The following FHIT variants were observed in gnomAD, a reference collection of about 807,000 sequenced individuals.
The protein encoded by FHIT is bis(5'-adenosyl)-triphosphatase.
FHIT carries 19 observed loss-of-function variants against 17.9 expected under a neutral mutation model. That is an observed-to-expected ratio of 1.06 (90% confidence interval 0.74 to 1.56). The LOEUF (loss-of-function observed/expected upper bound fraction) is 1.56, where lower values mean the gene tolerates loss of function less well. FHIT is among the 40% of genes most tolerant of loss of function. The probability of loss-of-function intolerance (pLI) is 0.00; values close to 1 mark genes in which losing one functional copy is unlikely to be tolerated. For missense variants in FHIT, 248 were observed against 189.2 expected, an observed-to-expected ratio of 1.31 and a Z score of -1.82; for synonymous variants, 81 against 69.7, an observed-to-expected ratio of 1.16 and a Z score of -0.81.
At position 60,458,247 on chromosome 3, in the gene FHIT, G is replaced by A. The variant is rs536263700; in HGVS notation, c.103+78613C>T. Among the ~76,000 whole-genome samples the A allele has an allele frequency of 5.3e-5, 8 of 152,220 alleles. No individual in the cohort carries two copies. In the East Asian group the frequency reaches 1.5e-3, roughly 29 times the overall value. ...GCACATATACACCATGGAATACTAT[G>A]CAGCCATAAAAATGATGAGTTCATG... On this transcript the variant is annotated intron_variant, in intron 5 of 9. Coordinates refer to ENST00000492590, the MANE Select transcript of FHIT (RefSeq NM_002012.4).
chr3:60,515,067 A>G (rs2035099655), intron 5 of FHIT, among the ~76,000 whole-genome samples: 1 of 152,178 alleles, frequency 6.6e-6, no homozygotes, highest in South Asian at 2.1e-4. Context: ...CAGACAAAAC[A>G]GTGGGCACCG....
chr3:61,064,371 A>T (rs1198665528), intron 2 of FHIT, among the ~76,000 whole-genome samples: 2 of 152,154 alleles, frequency 1.3e-5, no homozygotes, highest in Non-Finnish European at 2.9e-5. Context: ...CTAAGGATTA[A>T]GGCCAATACA....
intron 8 of FHIT, among the ~76,000 whole-genome samples, chr3:59,852,697 A>C (rs956277632): frequency 6.6e-6 from 1 of 151,966 alleles, no homozygotes; most frequent in South Asian, 2.1e-4. Context: ...CTCCCTCCTA[A>C]TCCTTGGCAA....
intron 8 of FHIT, among the ~76,000 whole-genome samples, chr3:59,799,707 G>A (rs1278685341): frequency 1.3e-5 from 2 of 152,130 alleles, no homozygotes; most frequent in African/African-American, 2.4e-5. Flanking sequence ...GATATTATTG[G>A]GCATTAACTT....
intron 5 of FHIT, among the ~76,000 whole-genome samples, chr3:60,191,685 A>T: frequency 6.6e-6 from 1 of 152,230 alleles, no homozygotes; most frequent in East Asian, 1.9e-4. Flanking sequence ...GACATTGAAA[A>T]GAATGTGAAC....
At chr3:59,830,832 CCTGT>C (rs1196399480) in intron 8 of FHIT, among the ~76,000 whole-genome samples, 6 of 152,172 alleles carry the variant, frequency 3.9e-5, no homozygotes, top group African/African-American at 1.4e-4. Flanking sequence ...CAGCAGCCAA[CCTGT>C]CTAATTGGGT....
At chr3:60,069,976 T>C (rs990934047) in intron 5 of FHIT, among the ~76,000 whole-genome samples, 16 of 152,312 alleles carry the variant, frequency 1.1e-4, no homozygotes, top group Admixed American at 6.5e-4. Flanking sequence ...GGTCCTTCAG[T>C]TTGCAACTTA....
intron 8 of FHIT, among the ~76,000 whole-genome samples, chr3:59,874,548 C>A (rs761719338): frequency 2.8e-4 from 43 of 152,198 alleles, no homozygotes; most frequent in Admixed American, 1.0e-3. Flanking sequence ...AGAAGATGCC[C>A]GCTGCTCCCT....
At chr3:59,762,954 G>C (rs777596661) in intron 8 of FHIT, among the ~76,000 whole-genome samples, 6 of 152,208 alleles carry the variant, frequency 3.9e-5, no homozygotes, top group Non-Finnish European at 8.8e-5. Context: ...TTCTGAAAAG[G>C]AGGTTTGTGA....
At chr3:60,398,967 G>T (rs1363320977) in intron 5 of FHIT, among the ~76,000 whole-genome samples, 2 of 152,110 alleles carry the variant, frequency 1.3e-5, no homozygotes, top group East Asian at 3.9e-4. Flanking sequence ...ACATAAGAAT[G>T]AAATTTTATT....
rs979151343 is a variant in FHIT, at chr3:60,710,892, T to C, written c.-18+111027A>G. On this transcript the variant is annotated intron_variant, in intron 4 of 9. Coordinates refer to ENST00000492590, the MANE Select transcript of FHIT (RefSeq NM_002012.4). ...GCAGTAACCTCTGCAGACTTAAATG[T>C]CCCTGACTGACAGCTTTGAGGAGAG... 3.3e-4 allele frequency among the ~76,000 whole-genome samples: 50 copies of C among 152,134 alleles called. 1 individual carries two copies. The highest frequency in any genetic ancestry group is 6.5e-4 in the Non-Finnish European group (44 of 68,024).
At chr3:61,079,921 C>T (rs1235811581) in intron 2 of FHIT, among the ~76,000 whole-genome samples, 3 of 151,966 alleles carry the variant, frequency 2.0e-5, no homozygotes, top group Admixed American at 2.0e-4. Flanking sequence ...TTATTTCTTT[C>T]CCCAAAATTA....
intron 5 of FHIT, among the ~76,000 whole-genome samples, chr3:60,093,626 G>C (rs533411575): frequency 6.6e-5 from 10 of 152,284 alleles, no homozygotes; most frequent in Admixed American, 2.0e-4. Flanking sequence ...TGGCGGGTGA[G>C]CAAGCATTAC....
intron 5 of FHIT, among the ~76,000 whole-genome samples, chr3:60,122,861 G>A (rs1488474623): frequency 6.6e-6 from 1 of 152,286 alleles, no homozygotes; most frequent in Admixed American, 6.5e-5. Context: ...AACTTTTACT[G>A]CACAAGTAGC....
At chr3:60,580,401 A>T (rs1427322764) in intron 4 of FHIT, among the ~76,000 whole-genome samples, 1 of 152,168 alleles carries the variant, frequency 6.6e-6, no homozygotes, top group Non-Finnish European at 1.5e-5. Context: ...CTGATTTTTT[A>T]AAATCACAAT....
intron 5 of FHIT, among the ~76,000 whole-genome samples, chr3:60,480,299 G>T (rs1178908108): frequency 6.6e-6 from 1 of 152,124 alleles, no homozygotes; most frequent in Non-Finnish European, 1.5e-5. Flanking sequence ...AACATCTGGG[G>T]ATTACAATTC....
At chr3:60,724,660 G>GTTTTTTTT (rs543830464) in intron 4 of FHIT, among the ~76,000 whole-genome samples, 1 of 85,540 alleles carries the variant, frequency 1.2e-5, no homozygotes, top group Non-Finnish European at 2.3e-5. Flanking sequence ...TTTTTTTTTT[G>GTTTTTTTT]TTTTTTTTTT....
At chr3:61,096,956 T>C (rs2106833084) in intron 2 of FHIT, among the ~76,000 whole-genome samples, 1 of 151,318 alleles carries the variant, frequency 6.6e-6, no homozygotes, top group Middle Eastern at 3.4e-3. Context: ...ACTACAAAAA[T>C]TACAGCCAGC....
Position 60,596,916 on chromosome 3 carries a change from T to C in FHIT, c.-17-59937A>G, listed in dbSNP as rs377034846. Among the ~76,000 whole-genome samples the C allele has an allele frequency of 1.4e-4, 21 of 152,258 alleles. 1 individual carries two copies. In the East Asian group the frequency reaches 1.9e-3, roughly 14 times the overall value. On this transcript the variant is annotated intron_variant, in intron 4 of 9. Transcript: ENST00000492590. ...CCTGTGCTGTTTCTACTGTATTTGA[T>C]TTCAGATATTTTAGTGAAAAAAAAT...
Sources: allele counts gnomAD v4.1 joint callset (sites outside exome capture counted in the v4.1 genomes callset), GRCh38; gene constraint gnomAD v4.1.1; transcripts MANE v1.5; gene names NCBI Gene and HGNC (gene_info 2026-07-23, HGNC 2026-07-21).